Variants in NADSYN1 observed in about 807,000 individuals in gnomAD.
NADSYN1 encodes glutamine-dependent NAD(+) synthetase.
Under a neutral mutation model 99.3 loss-of-function variants are expected in NADSYN1, and 80 were observed. The ratio of observed to expected loss-of-function variants is 0.81; its 90% CI spans 0.67 to 0.97. NADSYN1 has a LOEUF of 0.97. Ranked by LOEUF, NADSYN1 falls within the 50% of genes least tolerant of loss-of-function variation. The probability of loss-of-function intolerance (pLI) is 0.00; values close to 1 mark genes in which losing one functional copy is unlikely to be tolerated. For synonymous variants in NADSYN1, 385 were observed against 372.1 expected (o/e 1.03, Z -0.40); for missense variants, 859 against 948.5 (o/e 0.91, Z 1.24).
chr11:71,466,161 T>C (rs1790343), intron 5 of NADSYN1, among the ~76,000 whole-genome samples: 42,801 of 152,104 alleles, frequency 0.28, 6,531 homozygotes, highest in South Asian at 0.46. Flanking sequence ...GAATGGATGT[T>C]GAGTTTATCC....
At position 71,480,958 on chromosome 11, in the gene NADSYN1, G is replaced by A. The variant is rs757992609; in HGVS notation, c.998+79G>A. 25 of 1,573,094 alleles carry A rather than the reference G, an allele frequency of 1.6e-5. No individual in the cohort carries two copies. The African/African-American group carries it at 1.8e-4, about 11-fold the overall frequency. ...TGGGGTGGGGACTCCTGGAGGTCAC[G>A]CAGTGGGTTTTCAGAACCTGCCTGG... is the stretch of plus-strand genomic sequence containing the variant. On this transcript the variant is annotated intron_variant, in intron 11 of 20. Coordinates refer to ENST00000319023, the MANE Select transcript of NADSYN1 (RefSeq NM_018161.5).
In NADSYN1 at chr11:71,501,232, C is replaced by T. The variant is rs1274025194; in HGVS notation, c.2071-70C>T. On this transcript the variant is annotated intron_variant, in intron 20 of 20. Coordinates refer to ENST00000319023, the MANE Select transcript of NADSYN1 (RefSeq NM_018161.5). ...TGGGACTTGTGACCCGCTTTTGGTG[C>T]GTGCCAGTGTTTCAACAGCCCCACA... 20 of 1,368,806 alleles carry T rather than the reference C, an allele frequency of 1.5e-5. No individual in the cohort carries two copies. In the South Asian group the frequency reaches 2.0e-4, roughly 14 times the overall value. 84.8% of individuals were successfully genotyped at this position (1,368,806 alleles called of 1,614,324 possible).
intron 3 of NADSYN1, 140 bp from the exon 4 acceptor site, chr11:71,463,292 G>C: frequency 1.4e-6 from 1 of 723,184 alleles, no homozygotes; most frequent in Non-Finnish European, 2.3e-6. Flanking sequence ...CCACAGAAGA[G>C]CCTTGCAGTT....
chr11:71,480,330 T>A (rs1411678750), intron 10 of NADSYN1: 1 of 184,274 alleles, frequency 5.4e-6, no homozygotes, highest in African/African-American at 2.4e-5. Context: ...TCCACCACCA[T>A]GCCCGGCTAA....
At chr11:71,470,187 T>C (rs943096128) in intron 5 of NADSYN1, among the ~76,000 whole-genome samples, 6 of 152,180 alleles carry the variant, frequency 3.9e-5, no homozygotes, top group Admixed American at 1.3e-4. Flanking sequence ...GAGAACAGTA[T>C]GGGGGAACCT....
Position 71,474,523 on chromosome 11 carries a change from C to T in NADSYN1, c.795C>T (p.Asp265=), listed in dbSNP as rs370965046. The T allele has an allele frequency of 6.8e-6, 11 of 1,614,118 alleles. No homozygotes were observed. Among genetic ancestry groups the T allele is most frequent in the African/African-American group, 6.7e-5 (5 of 75,058 alleles). The part of the protein sequence containing the change: ...FAQGSQFSLD[D]VEVLTATLDL... ...AAGGATCCCAGTTTTCTCTGGATGA[C>T]GTGGTAATGAGCGGGCCTGGACATG... The change falls in exon 9 of 21, where the codon GAC becomes GAT. Residue 265 remains aspartate, a synonymous_variant. Transcript: ENST00000319023.
intron 18 of NADSYN1, among the ~76,000 whole-genome samples, chr11:71,496,153 T>G (rs1949817168): frequency 6.6e-6 from 1 of 152,184 alleles, no homozygotes; most frequent in Non-Finnish European, 1.5e-5. Context: ...TTTGTGGAGC[T>G]ACTGTCACTA....
chr11:71,483,659 C>T (rs1361117487), intron 14 of NADSYN1, among the ~76,000 whole-genome samples: 2 of 152,138 alleles, frequency 1.3e-5, no homozygotes, highest in Non-Finnish European at 2.9e-5. Context: ...TAAAAGCTGT[C>T]CCCATGCCCT....
intron 8 of NADSYN1, among the ~76,000 whole-genome samples, chr11:71,473,915 C>T (rs1457569708): frequency 1.3e-5 from 2 of 152,246 alleles, no homozygotes; most frequent in Non-Finnish European, 2.9e-5. Flanking sequence ...CCCTCTCTGC[C>T]ATGACCAGGA....
In NADSYN1 at chr11:71,484,414, C is replaced by G. The variant is rs143306679; in HGVS notation, c.1422C>G (p.Ser474Arg). 4.5e-5 allele frequency: 72 copies of G among 1,614,134 alleles called. No homozygotes were observed. Among genetic ancestry groups the G allele is most frequent in the Non-Finnish European group, 5.4e-5 (64 of 1,179,996 alleles). The change falls in exon 15 of 21, where the codon AGC becomes AGG. Residue 474 changes from serine to arginine, a missense_variant. Transcript: ENST00000319023. ...KSPLFAAHGG[S>R]SRENLALQNV... Reference sequence around the variant, plus strand: ...CTCTGTTTGCAGCTCATGGAGGAAGCAGCAGGGAAAACCTGGCGCTGCAAA... The same window carrying G: ...CTCTGTTTGCAGCTCATGGAGGAAGGAGCAGGGAAAACCTGGCGCTGCAAA...
intron 20 of NADSYN1, among the ~76,000 whole-genome samples, chr11:71,500,898 T>G (rs1366206268): frequency 6.6e-6 from 1 of 152,128 alleles, no homozygotes; most frequent in Non-Finnish European, 1.5e-5. Context: ...TGATGGGCCC[T>G]GTCATCTGGC....
At chr11:71,473,022 T>G (rs1405147131) in intron 6 of NADSYN1, among the ~76,000 whole-genome samples, 1 of 152,212 alleles carries the variant, frequency 6.6e-6, no homozygotes, top group African/African-American at 2.4e-5. Flanking sequence ...CCCATCGATG[T>G]CCGTGACATT....
Position 71,464,139 on chromosome 11 carries a change from G to T in NADSYN1, c.404G>T (p.Ser135Ile). The change falls in exon 5 of 21, where the codon AGT (serine) becomes ATT (isoleucine). Residue 135 changes from serine (S) to isoleucine (I), a missense_variant. By Grantham distance (142) the Ser-to-Ile change is moderately radical. Coordinates refer to ENST00000319023, the MANE Select transcript of NADSYN1 (RefSeq NM_018161.5). ...ELRWFTPWSR[S>I]RHTEEYFLPR... ...CGCTGGTTCACCCCGTGGTCGAGGA[G>T]TCGGTGAGTCGGGTGCCTGACCACT... 6.2e-7 allele frequency: 1 copy of T among 1,605,204 alleles called. No homozygotes were observed.
At chr11:71,465,143 A>T (rs1323227760) in intron 5 of NADSYN1, among the ~76,000 whole-genome samples, 1 of 152,016 alleles carries the variant, frequency 6.6e-6, no homozygotes, top group Non-Finnish European at 1.5e-5. Context: ...CAGGGGCTGG[A>T]GGGAAGTTTT....
chr11:71,477,422 TG>T (rs1162990348), intron 9 of NADSYN1: 9 of 1,289,764 alleles, frequency 7.0e-6, no homozygotes, highest in Admixed American at 2.3e-5. Context: ...CTTGTCTTCA[TG>T]GGCATCTCCG....
intron 3 of NADSYN1, 94 bp downstream of exon 3, chr11:71,458,638 A>T: frequency 1.1e-6 from 1 of 877,220 alleles, no homozygotes; most frequent in Non-Finnish European, 1.9e-6. Flanking sequence ...AGGGTGTGGA[A>T]CATCCATGTG....
At chr11:71,468,178 C>T (rs1250730908) in intron 5 of NADSYN1, among the ~76,000 whole-genome samples, 1 of 152,148 alleles carries the variant, frequency 6.6e-6, no homozygotes, top group Non-Finnish European at 1.5e-5. Context: ...AGTTTTTTAT[C>T]ATTAAAAGAC....
rs115137651 is a variant in NADSYN1 at position 71,495,998 on chromosome 11, G to A, written c.1765-1485G>A. 4.4e-3 allele frequency among the ~76,000 whole-genome samples: 666 copies of A among 152,286 alleles called. 6 individuals are homozygous for A. The highest frequency in any genetic ancestry group is 0.015 in the African/African-American group (627 of 41,560). On this transcript the variant is annotated intron_variant, in intron 18 of 20. Coordinates refer to ENST00000319023, the MANE Select transcript of NADSYN1 (RefSeq NM_018161.5). The stretch of plus-strand genomic sequence containing the variant: ...CTGGCGCTGTGATAGTGATACCAGC[G>A]GCACCCTGTGGCCTCCAACATGGCC...
chr11:71,485,247 C>T lies in NADSYN1; in HGVS notation c.1456-295C>T, dbSNP rs566088424. 563 of 225,760 alleles carry T rather than the reference C, an allele frequency of 2.5e-3. 3 individuals are homozygous for T. Among genetic ancestry groups the T allele is most frequent in the African/African-American group, 0.011 (501 of 43,874 alleles). The allele number at this position is 225,760 out of a possible 1,614,324, so 14.0% of individuals were successfully genotyped here. ...TGGAAATGCAGTTGCCAAGCTTTCTCCCAGGGACCCCACGGCTCAGTCCTG... is the reference window on the plus strand; with the variant it reads ...TGGAAATGCAGTTGCCAAGCTTTCTTCCAGGGACCCCACGGCTCAGTCCTG... On this transcript the variant is annotated intron_variant, in intron 15 of 20. Transcript: ENST00000319023.
Sources: allele counts gnomAD v4.1 joint callset (sites outside exome capture counted in the v4.1 genomes callset), GRCh38; gene constraint gnomAD v4.1.1; transcripts MANE v1.5; gene names NCBI Gene and HGNC (gene_info 2026-07-23, HGNC 2026-07-21).